Variants in ZNF197 observed in about 807,000 individuals in gnomAD.
The protein encoded by ZNF197 is VHL-associated KRAB-A domain-containing protein.
In ZNF197, 14 loss-of-function variants were observed where a neutral mutation model predicts 27.4. The ratio of observed to expected loss-of-function variants is 0.51; its 90% CI spans 0.34 to 0.80. ZNF197 has a LOEUF of 0.80. Among genes scored for constraint, ZNF197 ranks in the 30% least tolerant of loss-of-function variants. ZNF197 has a pLI of 0.02. For synonymous variants in ZNF197, 415 were observed against 420.0 expected (o/e 0.99, Z 0.15); for missense variants, 1,090 against 1,222.6 (o/e 0.89, Z 1.62).
rs765411722 is a variant in ZNF197 at position 44,629,281 on chromosome 3, C to G, written c.127C>G (p.Leu43Val). 6.2e-7 allele frequency: 1 copy of G among 1,614,190 alleles called. No homozygotes were observed. Among genetic ancestry groups the G allele is most frequent in the South Asian group, 1.1e-5 (1 of 91,086 alleles). The part of the protein sequence containing the change: ...SSSSVWETSH[L>V]HFRQLRYHET... Reference sequence around the variant, plus strand: ...CTCCTCTGTTTGGGAGACCTCCCACCTACACTTTAGACAATTACGTTACCA... The same window carrying G: ...CTCCTCTGTTTGGGAGACCTCCCACGTACACTTTAGACAATTACGTTACCA... The change falls in exon 2 of 6, where the codon CTA becomes GTA. Residue 43 changes from leucine to valine, a missense_variant. Physicochemically the swap from Leu to Val is conservative, Grantham distance 32. Coordinates refer to ENST00000344387, the MANE Select transcript of ZNF197 (RefSeq NM_006991.5).
In ZNF197 at chr3:44,632,143, G is replaced by C; in HGVS notation, c.589G>C (p.Glu197Gln). ...APEASALSQEENPRNQLMALM... is the reference protein window; with the variant it reads ...APEASALSQEQNPRNQLMALM... The stretch of plus-strand genomic sequence containing the variant: ...TGAAGCTTCTGCCCTTTCCCAGGAA[G>C]AGAACCCAAGAAATCAATTAATGGC... Residue 197 changes from glutamate to glutamine, a missense_variant, in exon 4 of 6, where the codon GAG becomes CAG. Glu to Gln is a conservative substitution (Grantham distance 29). Coordinates refer to ENST00000344387, the MANE Select transcript of ZNF197 (RefSeq NM_006991.5). 3.7e-6 allele frequency: 6 copies of C among 1,614,154 alleles called. No individual in the cohort carries two copies. The highest frequency in any genetic ancestry group is 4.2e-6 in the Non-Finnish European group (5 of 1,180,020).
chr3:44,630,872 A>G (rs761313400), intron 2 of ZNF197, 190 bp from the exon 3 acceptor site: 7 of 770,236 alleles, frequency 9.1e-6, no homozygotes, highest in Admixed American at 2.0e-5. Context: ...CACCAGTGCC[A>G]TGAGTGGGGC....
rs1345066340 is a variant in ZNF197, at chr3:44,642,983, G to C, written c.1853G>C (p.Arg618Thr). 1 of 1,613,998 alleles carries C rather than the reference G, an allele frequency of 6.2e-7. No individual in the cohort carries two copies. Among genetic ancestry groups the C allele is most frequent in the Admixed American group, 1.7e-5 (1 of 60,010 alleles). ...ATTGACCATAAGAGGATGCACAGCA[G>C]AGAGAAACCTTACAAATGCACTGAA... is the stretch of plus-strand genomic sequence containing the variant. ...NFIDHKRMHS[R>T]EKPYKCTECG... is the part of the protein sequence containing the mutation. The change falls in exon 6 of 6, where the codon AGA becomes ACA. Residue 618 changes from arginine to threonine, a missense_variant. Physicochemically the swap from Arg to Thr is moderately conservative, Grantham distance 71. Coordinates refer to ENST00000344387, the MANE Select transcript of ZNF197 (RefSeq NM_006991.5).
At chr3:44,635,168 TA>T (rs35139527) in intron 5 of ZNF197, among the ~76,000 whole-genome samples, 22,934 of 129,372 alleles carry the variant, frequency 0.18, 2,093 homozygotes, top group Non-Finnish European at 0.23. Context: ...AGAGTTAAAC[TA>T]AAAAAAAAAA....
At chr3:44,641,860 G>C in intron 5 of ZNF197, 40 bp from the exon 6 acceptor site, 1 of 1,514,178 alleles carries the variant, frequency 6.6e-7, no homozygotes, top group Non-Finnish European at 8.8e-7. Flanking sequence ...TCCAAACACA[G>C]GGACGTGGTA....
At chr3:44,626,398 A>G (rs1253916988) in intron 1 of ZNF197, among the ~76,000 whole-genome samples, 1 of 152,108 alleles carries the variant, frequency 6.6e-6, no homozygotes, top group African/African-American at 2.4e-5. Flanking sequence ...CAGAAGTCGT[A>G]AAAGATTGAC....
At chr3:44,633,978 C>T (rs961564179) in intron 5 of ZNF197, among the ~76,000 whole-genome samples, 1 of 152,212 alleles carries the variant, frequency 6.6e-6, no homozygotes, top group Non-Finnish European at 1.5e-5. Context: ...CCTTTAGTAT[C>T]TCAGTAGTGG....
intron 5 of ZNF197, 66 bp downstream of exon 5, chr3:44,632,665 A>C: frequency 7.3e-7 from 1 of 1,377,774 alleles, no homozygotes; most frequent in South Asian, 2.3e-5. Flanking sequence ...TTCTGATTAT[A>C]AAAGTAGCAT....
chr3:44,642,891 CCA>C lies in ZNF197; in HGVS notation c.1766_1767del (p.Thr589ArgfsTer8). The C allele has an allele frequency of 6.2e-7, 1 of 1,614,052 alleles. No individual in the cohort carries two copies. Among genetic ancestry groups the C allele is most frequent in the Non-Finnish European group, 8.5e-7 (1 of 1,180,002 alleles). On this transcript the variant is annotated frameshift_variant, in exon 6 of 6. Transcript: ENST00000344387. LOFTEE classifies it low-confidence loss of function (END_TRUNC). ...SKSLLLHQRV[H>X]TEKKTFGCKK... ...AAAGCCTCCTCTTACATCAGAGAGT[CCA>C]CACAGAAAAGAAAACCTTTGGTTGT...
chr3:44,635,350 A>G (rs1359435106), intron 5 of ZNF197, among the ~76,000 whole-genome samples: 1 of 152,202 alleles, frequency 6.6e-6, no homozygotes, highest in African/African-American at 2.4e-5. Context: ...CTGATTTGAG[A>G]TACATTAAAG....
chr3:44,632,502 A>C lies in ZNF197; in HGVS notation c.672A>C (p.Val224=). ...TGGTGATGTTCGAGGAGGTGTCAGT[A>C]TGCTTCACTTCAGAGGAATGGGCAT... ...QELVMFEEVS[V]CFTSEEWACL... Residue 224 remains valine, a synonymous_variant, in exon 5 of 6, where the codon GTA becomes GTC. Coordinates refer to ENST00000344387, the MANE Select transcript of ZNF197 (RefSeq NM_006991.5). 6.2e-7 allele frequency: 1 copy of C among 1,607,582 alleles called. No individual in the cohort carries two copies. Among genetic ancestry groups the C allele is most frequent in the Non-Finnish European group, 8.5e-7 (1 of 1,177,646 alleles).
In ZNF197 at chr3:44,643,622, CA is replaced by C. The variant is rs1478866648; in HGVS notation, c.2495del (p.Asn832ThrfsTer3). 3 of 1,614,088 alleles carry C rather than the reference CA, an allele frequency of 1.9e-6. No individual in the cohort carries two copies. Among genetic ancestry groups the C allele is most frequent in the Non-Finnish European group, 2.5e-6 (3 of 1,180,054 alleles). On this transcript the variant is annotated frameshift_variant, in exon 6 of 6. Transcript: ENST00000344387. LOFTEE classifies it low-confidence loss of function (END_TRUNC). ...TGTGGGAAGGTCTTCAGTTACCGCT[CA>C]AACCTTATAGCCCATCAGAGGATCC... is the stretch of plus-strand genomic sequence containing the variant. ...NDCGKVFSYRSNLIAHQRIHT... is the reference protein window; with the variant it reads ...NDCGKVFSYRXNLIAHQRIHT...
rs758395879 is a variant in ZNF197 at position 44,643,517 on chromosome 3, G to A, written c.2387G>A (p.Gly796Asp). 1.2e-6 allele frequency: 2 copies of A among 1,614,168 alleles called. No individual in the cohort carries two copies. Among genetic ancestry groups the A allele is most frequent in the Admixed American group, 1.7e-5 (1 of 60,028 alleles). Reference protein sequence around the residue: ...GEKPYECDECGKCFILKKSLI... With the variant: ...GEKPYECDECDKCFILKKSLI... ...AAACCCTATGAGTGTGATGAGTGTG[G>A]CAAATGCTTCATTCTGAAGAAAAGC... The change falls in exon 6 of 6, where the codon GGC (glycine) becomes GAC (aspartate). Residue 796 changes from glycine (G) to aspartate (D), a missense_variant. Coordinates refer to ENST00000344387, the MANE Select transcript of ZNF197 (RefSeq NM_006991.5).
At chr3:44,636,254 G>A (rs914056960) in intron 5 of ZNF197, among the ~76,000 whole-genome samples, 1 of 149,762 alleles carries the variant, frequency 6.7e-6, no homozygotes, top group African/African-American at 2.5e-5. Context: ...GCAGTGAGCC[G>A]AGATTGTGCC....
chr3:44,629,312 C>T lies in ZNF197; in HGVS notation c.158C>T (p.Thr53Ile). 2 of 1,614,158 alleles carry T rather than the reference C, an allele frequency of 1.2e-6. No individual in the cohort carries two copies. The highest frequency in any genetic ancestry group is 1.3e-5 in the African/African-American group (1 of 75,028). The change falls in exon 2 of 6, where the codon ACA becomes ATA. Residue 53 changes from threonine to isoleucine, a missense_variant. Transcript: ENST00000344387. ...TTTAGACAATTACGTTACCATGAGA[C>T]ATCTGGACCCCAGGAAGCCCTGAGC... ...LHFRQLRYHE[T>I]SGPQEALSRL...
Position 44,642,656 on chromosome 3 carries a change from C to G in ZNF197, c.1526C>G (p.Pro509Arg). The change falls in exon 6 of 6, where the codon CCT (proline) becomes CGT (arginine). Residue 509 changes from proline to arginine, a missense_variant. Transcript: ENST00000344387. The stretch of plus-strand genomic sequence containing the variant: ...CAGAGGCTCCACAAAGGGGAAGAAC[C>G]TTATAAATGTAATAAGTGTCAGAAA... The part of the protein sequence containing the change: ...DHQRLHKGEE[P>R]YKCNKCQKAF... The G allele has an allele frequency of 6.2e-7, 1 of 1,614,022 alleles. No individual in the cohort carries two copies. The highest frequency in any genetic ancestry group is 8.5e-7 in the Non-Finnish European group (1 of 1,180,012).
chr3:44,641,495 A>G (rs890663884), intron 5 of ZNF197, among the ~76,000 whole-genome samples: 3 of 152,236 alleles, frequency 2.0e-5, no homozygotes, highest in African/African-American at 7.2e-5. Flanking sequence ...CTTCCCTTAA[A>G]GTTTCCATCC....
chr3:44,641,642 C>T (rs1412397174), intron 5 of ZNF197, among the ~76,000 whole-genome samples: 1 of 152,184 alleles, frequency 6.6e-6, no homozygotes, highest in Non-Finnish European at 1.5e-5. Context: ...TCTGTTTTCT[C>T]AGCATTATTT....
Position 44,646,687 on chromosome 3 carries a change from GTGTA to G in ZNF197, c.*2474_*2477del, listed in dbSNP as rs1559479964. The G allele has an allele frequency of 7.1e-6, 4 of 565,078 alleles. No homozygotes were observed. Among genetic ancestry groups the G allele is most frequent in the African/African-American group, 3.8e-5 (2 of 52,434 alleles). The allele number at this position is 565,078 out of a possible 1,614,324, so 35.0% of individuals were successfully genotyped here. A position where few individuals can be genotyped will look rare whatever the true frequency, so the allele number is the denominator to read the frequency against. On this transcript the variant is annotated 3_prime_UTR_variant, in exon 6 of 6. Transcript: ENST00000344387. ...GTTTATTATACCATTCTCTGCTTTTGTGTATGTATGAAAATTTCGATATGAAAGG... is the reference window on the plus strand; with the variant it reads ...GTTTATTATACCATTCTCTGCTTTTGTGTATGAAAATTTCGATATGAAAGG...
Sources: allele counts gnomAD v4.1 joint callset (sites outside exome capture counted in the v4.1 genomes callset), GRCh38; gene constraint gnomAD v4.1.1; transcripts MANE v1.5; gene names NCBI Gene and HGNC (gene_info 2026-07-23, HGNC 2026-07-21).